The following RAB11FIP2 variants were observed in gnomAD, a reference collection of about 807,000 sequenced individuals.
The protein encoded by RAB11FIP2 is RAB11 family interacting protein 2.
Under a neutral mutation model 40.9 loss-of-function variants are expected in RAB11FIP2, and 16 were observed. That is an observed-to-expected ratio of 0.39 (90% confidence interval 0.26 to 0.59). The LOEUF (loss-of-function observed/expected upper bound fraction) is 0.59. RAB11FIP2 is among the 20% of genes least tolerant of loss of function. The pLI, the probability that RAB11FIP2 is intolerant of heterozygous loss-of-function variation, is 0.53. For synonymous variants in RAB11FIP2, 228 were observed against 213.7 expected (o/e 1.07, Z -0.58); for missense variants, 532 against 606.2 (o/e 0.88, Z 1.28).
intron 4 of RAB11FIP2, among the ~76,000 whole-genome samples, chr10:118,011,125 A>C (rs1414970651): frequency 6.6e-6 from 1 of 152,148 alleles, no homozygotes; most frequent in Non-Finnish European, 1.5e-5. Flanking sequence ...CTATTGAAAT[A>C]TGAAAGACCA....
rs535234692 is a variant in RAB11FIP2, at chr10:118,029,399, CCT to C, written c.1265+9571_1265+9572del. Among the ~76,000 whole-genome samples, 8 of 152,296 alleles carry C rather than the reference CCT, an allele frequency of 5.3e-5. No individual in the cohort carries two copies. In the South Asian group the frequency reaches 1.0e-3, roughly 20 times the overall value. On this transcript the variant is annotated intron_variant, in intron 3 of 4. Transcript: ENST00000355624. ...CTCAAGTCCTTCTTCCCTTTCCCAT[CCT>C]CTGTCCTCAACAGCTACTTCATGAT...
chr10:118,039,279 T>C lies in RAB11FIP2; in HGVS notation c.958A>G (p.Arg320Gly). The C allele has an allele frequency of 6.2e-7, 1 of 1,613,766 alleles. No individual in the cohort carries two copies. Among genetic ancestry groups the C allele is most frequent in the Non-Finnish European group, 8.5e-7 (1 of 1,179,744 alleles). ...SLPQKFATLPRKKNPFEESSE... is the reference protein window; with the variant it reads ...SLPQKFATLPGKKNPFEESSE... ...CTTTCTTCAAATGGATTTTTCTTCC[T>C]TGGCAGTGTTGCAAATTTTTGGGGT... is the stretch of plus-strand genomic sequence containing the variant. Residue 320 changes from arginine to glycine, a missense_variant, in exon 3 of 5, where the codon AGG (arginine) becomes GGG (glycine). Coordinates refer to ENST00000355624, the MANE Select transcript of RAB11FIP2 (RefSeq NM_014904.3).
intron 4 of RAB11FIP2, 67 bp from the exon 5 acceptor site, chr10:118,009,292 G>C (rs1423659035): frequency 1.3e-5 from 19 of 1,408,596 alleles, no homozygotes; most frequent in Non-Finnish European, 1.8e-5. Context: ...AGAATTACCT[G>C]GAACTTCGAC....
intron 4 of RAB11FIP2, among the ~76,000 whole-genome samples, chr10:118,010,902 G>A (rs1044673142): frequency 1.3e-5 from 2 of 151,894 alleles, no homozygotes; most frequent in African/African-American, 4.8e-5. Context: ...TACTGTACAG[G>A]ACAGCGAGCA....
chr10:118,013,976 C>T (rs775882545), intron 4 of RAB11FIP2, among the ~76,000 whole-genome samples: 2 of 151,968 alleles, frequency 1.3e-5, no homozygotes, highest in Non-Finnish European at 2.9e-5. Flanking sequence ...CAAAGGCTGA[C>T]TTCATATTTT....
rs142017473 is a variant in RAB11FIP2, at chr10:118,020,535, C to A, written c.1266-5425G>T. ...TATTATGTTCTGCCACCGGGAGGCA[C>A]CTCCAAGAGGATGGAGCACTGAAAG... On this transcript the variant is annotated intron_variant, in intron 3 of 4. Transcript: ENST00000355624. Among the ~76,000 whole-genome samples, 4 of 152,288 alleles carry A rather than the reference C, an allele frequency of 2.6e-5. No homozygotes were observed. The East Asian group carries it at 5.8e-4, about 22-fold the overall frequency.
rs756099794 is a variant in RAB11FIP2, at chr10:118,040,556, T to C, written c.363A>G (p.Arg121=). Residue 121 remains arginine, a synonymous_variant, in exon 2 of 5, where the codon AGA becomes AGG. Coordinates refer to ENST00000355624, the MANE Select transcript of RAB11FIP2 (RefSeq NM_014904.3). ...DKQRRKTEWF[R]LESKQGKRIK... ...TTCGTTTTCCTTGTTTGGATTCTAATCTAAACCACCTTAAAGAGAAGAAAA... is the reference window on the plus strand; with the variant it reads ...TTCGTTTTCCTTGTTTGGATTCTAACCTAAACCACCTTAAAGAGAAGAAAA... 1.2e-6 allele frequency: 2 copies of C among 1,601,776 alleles called. No individual in the cohort carries two copies. Among genetic ancestry groups the C allele is most frequent in the African/African-American group, 2.7e-5 (2 of 74,110 alleles).
In RAB11FIP2 at chr10:118,015,454, C is replaced by T. The variant is rs114254923; in HGVS notation, c.1266-344G>A. Among the ~76,000 whole-genome samples, 863 of 152,254 alleles carry T rather than the reference C, an allele frequency of 5.7e-3. 3 individuals are homozygous for T. Among genetic ancestry groups the T allele is most frequent in the African/African-American group, 0.02 (827 of 41,544 alleles). Reference sequence around the variant, plus strand: ...CCCATTATATTTACACACAGTCACTCACCTTAGGCCCTCTGATATAAAACT... The same window carrying T: ...CCCATTATATTTACACACAGTCACTTACCTTAGGCCCTCTGATATAAAACT... On this transcript the variant is annotated intron_variant, in intron 3 of 4. Transcript: ENST00000355624.
At position 118,008,932 on chromosome 10, in the gene RAB11FIP2, T is replaced by G; in HGVS notation, c.*66A>C. 4.5e-6 allele frequency: 6 copies of G among 1,321,864 alleles called. No homozygotes were observed. The highest frequency in any genetic ancestry group is 6.4e-6 in the Non-Finnish European group (6 of 932,416). The allele number at this position is 1,321,864 out of a possible 1,614,324, so 81.9% of individuals were successfully genotyped here. Reference sequence around the variant, plus strand: ...AGTGTAGTCTCTTTCAGTAACAAGTTTTTCCTTCCTTCCTTCTTTCTTTCT... The same window carrying G: ...AGTGTAGTCTCTTTCAGTAACAAGTGTTTCCTTCCTTCCTTCTTTCTTTCT... On this transcript the variant is annotated 3_prime_UTR_variant, in exon 5 of 5. Coordinates refer to ENST00000355624, the MANE Select transcript of RAB11FIP2 (RefSeq NM_014904.3).
chr10:118,042,868 A>G (rs1846578360), intron 1 of RAB11FIP2, among the ~76,000 whole-genome samples: 1 of 152,070 alleles, frequency 6.6e-6, no homozygotes, highest in East Asian at 1.9e-4. Flanking sequence ...TTACAAATAT[A>G]CTCATTGAAA....
chr10:118,013,039 C>A (rs904652942), intron 4 of RAB11FIP2, among the ~76,000 whole-genome samples: 2 of 152,028 alleles, frequency 1.3e-5, no homozygotes, highest in African/African-American at 4.8e-5. Flanking sequence ...TGCTAGTGAT[C>A]TATTTTTGCT....
chr10:118,042,601 A>G (rs1266049112), intron 1 of RAB11FIP2, among the ~76,000 whole-genome samples: 1 of 152,180 alleles, frequency 6.6e-6, no homozygotes, highest in Non-Finnish European at 1.5e-5. Flanking sequence ...CAAATTTTCT[A>G]CTGCTAGAGT....
chr10:118,007,883 T>C lies in RAB11FIP2; in HGVS notation c.*1115A>G, dbSNP rs1846112385. ...CTCTTCTAAAAACTCACTCTTCCTTTAGTAAGTCTTATTTTGGTTCAAGAC... is the reference window on the plus strand; with the variant it reads ...CTCTTCTAAAAACTCACTCTTCCTTCAGTAAGTCTTATTTTGGTTCAAGAC... On this transcript the variant is annotated 3_prime_UTR_variant, in exon 5 of 5. Coordinates refer to ENST00000355624, the MANE Select transcript of RAB11FIP2 (RefSeq NM_014904.3). 6.6e-6 allele frequency: 1 copy of C among 152,494 alleles called. No individual in the cohort carries two copies. The highest frequency in any genetic ancestry group is 2.4e-5 in the African/African-American group (1 of 41,426). The allele number at this position is 152,494 out of a possible 1,614,324, so 9.4% of individuals were successfully genotyped here.
At chr10:118,040,786 A>G (rs1022244673) in intron 1 of RAB11FIP2, among the ~76,000 whole-genome samples, 4 of 152,178 alleles carry the variant, frequency 2.6e-5, no homozygotes, top group African/African-American at 9.6e-5. Flanking sequence ...AGGAATGAAT[A>G]GGTCTTTGGC....
At chr10:118,021,620 C>T (rs1040785740) in intron 3 of RAB11FIP2, among the ~76,000 whole-genome samples, 1 of 152,216 alleles carries the variant, frequency 6.6e-6, no homozygotes, top group African/African-American at 2.4e-5. Context: ...ATCTGAAACA[C>T]AACTCCCACC....
rs1444940418 is a variant in RAB11FIP2 at position 118,008,562 on chromosome 10, T to C, written c.*436A>G. 5 of 175,840 alleles carry C rather than the reference T, an allele frequency of 2.8e-5. No individual in the cohort carries two copies. Among genetic ancestry groups the C allele is most frequent in the Non-Finnish European group, 5.0e-5 (4 of 80,512 alleles). The allele number at this position is 175,840 out of a possible 1,614,324, so 10.9% of individuals were successfully genotyped here. On this transcript the variant is annotated 3_prime_UTR_variant, in exon 5 of 5. Coordinates refer to ENST00000355624, the MANE Select transcript of RAB11FIP2 (RefSeq NM_014904.3). ...GTGTATATAAAATATAAACTGTTTT[T>C]TTAGTAGTGTTTATAACGAGCAGTA... is the stretch of plus-strand genomic sequence containing the variant.
intron 3 of RAB11FIP2, among the ~76,000 whole-genome samples, chr10:118,024,963 A>G (rs987822421): frequency 3.9e-5 from 6 of 152,156 alleles, no homozygotes; most frequent in African/African-American, 1.4e-4. Context: ...ACATCAAGGC[A>G]GCCAGACTTC....
chr10:118,010,495 T>C (rs771347990), intron 4 of RAB11FIP2, among the ~76,000 whole-genome samples: 3 of 152,084 alleles, frequency 2.0e-5, no homozygotes, highest in Non-Finnish European at 4.4e-5. Context: ...TGCTATGTAT[T>C]TGGGGGTGTT....
At chr10:118,043,665 A>C (rs183022499) in intron 1 of RAB11FIP2, 2 of 152,360 alleles carry the variant, frequency 1.3e-5, no homozygotes, top group Admixed American at 1.3e-4. Context: ...TCAGTGTCAA[A>C]ATGTAAAAAG....
Sources: gnomAD v4.1 joint callset for allele counts (sites outside exome capture counted in the v4.1 genomes callset) on GRCh38, gnomAD v4.1.1 for gene constraint, MANE v1.5 for transcripts, NCBI Gene and HGNC (gene_info 2026-07-23, HGNC 2026-07-21) for gene names.